The following ZSWIM6 variants were observed in gnomAD, a reference collection of about 807,000 sequenced individuals.
The protein encoded by ZSWIM6 is zinc finger SWIM-type containing 6, also known as zinc finger SWIM domain-containing protein 6.
In ZSWIM6, 9 loss-of-function variants were observed where a neutral mutation model predicts 113.2. The ratio of observed to expected loss-of-function variants is 0.08; its 90% CI spans 0.05 to 0.14. The LOEUF (loss-of-function observed/expected upper bound fraction) is 0.14, where lower values mean the gene tolerates loss of function less well. ZSWIM6 is among the 10% of genes least tolerant of loss of function. The pLI is 1.00. For missense variants in ZSWIM6, 1,162 were observed against 1,552.2 expected (o/e 0.75, Z 4.22); for synonymous variants, 611 against 606.5 (o/e 1.01, Z -0.11).
chr5:61,357,935 C>T (rs1025722234), intron 1 of ZSWIM6, among the ~76,000 whole-genome samples: 3 of 152,264 alleles, frequency 2.0e-5, no homozygotes, highest in African/African-American at 7.2e-5. Context: ...TGATGAGTTA[C>T]CAAGCTGTCC....
intron 2 of ZSWIM6, among the ~76,000 whole-genome samples, chr5:61,476,553 A>G (rs1747711167): frequency 6.6e-6 from 1 of 151,914 alleles, no homozygotes; most frequent in Admixed American, 6.6e-5. Context: ...GTTAATGTTA[A>G]TGGCCCACCA....
chr5:61,471,175 C>T (rs1387883996), intron 1 of ZSWIM6, among the ~76,000 whole-genome samples: 1 of 152,190 alleles, frequency 6.6e-6, no homozygotes, highest in East Asian at 1.9e-4. Flanking sequence ...CAGGGCTTCA[C>T]TGTGTAGCAT....
At position 61,494,242 on chromosome 5, in the gene ZSWIM6, T is replaced by G. The variant is rs896640501; in HGVS notation, c.1183-18T>G. On this transcript the variant is annotated intron_variant, in intron 3 of 13. Transcript: ENST00000252744. ...TTCGTTTTGAACAATTTTCTAAAGG[T>G]CTGTTTTTCCCCATTAGGTGCGGGA... The G allele has an allele frequency of 1.4e-5, 21 of 1,546,762 alleles. No individual in the cohort carries two copies. Among genetic ancestry groups the G allele is most frequent in the Non-Finnish European group, 1.8e-5 (21 of 1,143,342 alleles).
intron 1 of ZSWIM6, among the ~76,000 whole-genome samples, chr5:61,454,443 A>T (rs1747156697): frequency 1.3e-5 from 2 of 151,190 alleles, no homozygotes; most frequent in African/African-American, 4.9e-5. Flanking sequence ...TTTTGTAGAG[A>T]TGGGGTCTCC....
At chr5:61,387,293 A>G (rs1745610382) in intron 1 of ZSWIM6, among the ~76,000 whole-genome samples, 1 of 152,204 alleles carries the variant, frequency 6.6e-6, no homozygotes, top group African/African-American at 2.4e-5. Flanking sequence ...TCCATATTTC[A>G]TGCTGATGAA....
intron 4 of ZSWIM6, among the ~76,000 whole-genome samples, chr5:61,506,124 A>C (rs981581764): frequency 6.6e-6 from 1 of 152,182 alleles, no homozygotes; most frequent in Non-Finnish European, 1.5e-5. Context: ...AGTGATAACC[A>C]ATTGTGTGCC....
chr5:61,347,523 C>G (rs1237827259), intron 1 of ZSWIM6: 1 of 158,718 alleles, frequency 6.3e-6, no homozygotes, highest in African/African-American at 2.4e-5. Context: ...CCCTGTAAAC[C>G]AAGCAGAGGA....
intron 4 of ZSWIM6, among the ~76,000 whole-genome samples, chr5:61,512,949 A>G (rs1748829316): frequency 6.6e-6 from 1 of 151,856 alleles, no homozygotes; most frequent in African/African-American, 2.4e-5. Flanking sequence ...CATACAACTG[A>G]TGAACCTACA....
In ZSWIM6 at chr5:61,502,261, G is replaced by T. The variant is rs543474797; in HGVS notation, c.1333+7851G>T. ...AGGGAAGGCTGAAGCAGCTCCTTAG[G>T]CAGCTCTGTGTATGTGCCAATATCA... On this transcript the variant is annotated intron_variant, in intron 4 of 13. Coordinates refer to ENST00000252744, the MANE Select transcript of ZSWIM6 (RefSeq NM_020928.2). 7.9e-5 allele frequency among the ~76,000 whole-genome samples: 12 copies of T among 152,274 alleles called. No homozygotes were observed. The South Asian group carries it at 2.5e-3, about 32-fold the overall frequency.
intron 1 of ZSWIM6, among the ~76,000 whole-genome samples, chr5:61,333,948 G>T (rs1744328356): frequency 6.6e-6 from 1 of 152,108 alleles, no homozygotes; most frequent in Non-Finnish European, 1.5e-5. Flanking sequence ...CTCGGCGGCC[G>T]CTCCCGCGTC....
At chr5:61,450,708 G>T (rs1449383081) in intron 1 of ZSWIM6, among the ~76,000 whole-genome samples, 1 of 151,986 alleles carries the variant, frequency 6.6e-6, no homozygotes, top group Admixed American at 6.6e-5. Flanking sequence ...CTCCAAATTT[G>T]TGAGTAGTAT....
intron 1 of ZSWIM6, among the ~76,000 whole-genome samples, chr5:61,465,591 G>T (rs1164116765): frequency 1.3e-5 from 2 of 152,106 alleles, no homozygotes; most frequent in African/African-American, 4.8e-5. Flanking sequence ...TTGGATTCTT[G>T]TAAGAAAATG....
At chr5:61,390,889 C>G in intron 1 of ZSWIM6, 1 of 889,278 alleles carries the variant, frequency 1.1e-6, no homozygotes, top group South Asian at 1.3e-5. Context: ...TTCAGCATGA[C>G]AAAGTCATTG....
chr5:61,436,132 C>G (rs1164323063), intron 1 of ZSWIM6, among the ~76,000 whole-genome samples: 4 of 148,976 alleles, frequency 2.7e-5, no homozygotes, highest in Admixed American at 6.8e-5. Context: ...ACCCAGGAGG[C>G]AGAAATTACA....
chr5:61,486,729 A>G (rs772518809), intron 2 of ZSWIM6, among the ~76,000 whole-genome samples: 6 of 151,982 alleles, frequency 3.9e-5, no homozygotes, highest in Admixed American at 6.6e-5. Context: ...CCTGTTGGCC[A>G]TTTGTATGTC....
intron 1 of ZSWIM6, among the ~76,000 whole-genome samples, chr5:61,350,296 A>G (rs1012243929): frequency 1.1e-4 from 16 of 152,154 alleles, no homozygotes; most frequent in African/African-American, 3.6e-4. Context: ...TGTTTCTCAG[A>G]AGGAAGAGGG....
Position 61,538,804 on chromosome 5 carries a change from C to T in ZSWIM6, c.2382-10C>T. ...AACTAGGGGCCACCTTCCTTGTCTT[C>T]TCATTATAGGTTACTAGTATTGGAA... On this transcript the variant is annotated splice_polypyrimidine_tract_variant and intron_variant, in intron 10 of 13. Coordinates refer to ENST00000252744, the MANE Select transcript of ZSWIM6 (RefSeq NM_020928.2). The T allele has an allele frequency of 6.5e-6, 10 of 1,544,956 alleles. No homozygotes were observed. The highest frequency in any genetic ancestry group is 8.7e-6 in the Non-Finnish European group (10 of 1,143,576).
chr5:61,433,575 C>A (rs1010832410), intron 1 of ZSWIM6, among the ~76,000 whole-genome samples: 1 of 151,592 alleles, frequency 6.6e-6, no homozygotes, highest in African/African-American at 2.4e-5. Context: ...TGGGTTCAAG[C>A]AATTCTCTTG....
chr5:61,514,848 T>C (rs1364398184), intron 4 of ZSWIM6, among the ~76,000 whole-genome samples: 1 of 152,134 alleles, frequency 6.6e-6, no homozygotes, highest in Non-Finnish European at 1.5e-5. Flanking sequence ...TGTAATGTTT[T>C]CATCTGGTTT....
Sources: gnomAD v4.1 joint callset for allele counts (sites outside exome capture counted in the v4.1 genomes callset) on GRCh38, gnomAD v4.1.1 for gene constraint, MANE v1.5 for transcripts, NCBI Gene and HGNC (gene_info 2026-07-23, HGNC 2026-07-21) for gene names.